The following NTM variants were observed in gnomAD, a reference collection of about 807,000 sequenced individuals.
The protein encoded by NTM is neurotrimin.
In NTM, 13 loss-of-function variants were observed where a neutral mutation model predicts 42.1. The observed-to-expected ratio is 0.31, with a 90% CI of 0.20 to 0.49. The LOEUF is 0.49. Among genes scored for constraint, NTM ranks in the 20% least tolerant of loss-of-function variants. The pLI, the probability that NTM is intolerant of heterozygous loss-of-function variation, is 0.99. For missense variants in NTM, 373 were observed against 452.8 expected (o/e 0.82, Z 1.60); for synonymous variants, 187 against 179.2 (o/e 1.04, Z -0.35).
intron 1 of NTM, among the ~76,000 whole-genome samples, chr11:131,441,573 G>C (rs1949628872): frequency 6.6e-6 from 1 of 152,178 alleles, no homozygotes; most frequent in Non-Finnish European, 1.5e-5. Context: ...TCCTCCATCT[G>C]TTACTGCTGT....
At chr11:132,110,015 T>C (rs1485543879) in intron 2 of NTM, among the ~76,000 whole-genome samples, 2 of 152,210 alleles carry the variant, frequency 1.3e-5, no homozygotes, top group Non-Finnish European at 1.5e-5. Context: ...CTCCTCAAAA[T>C]GGACTTCCTT....
At chr11:131,882,267 CA>C (rs2049657576) in intron 1 of NTM, among the ~76,000 whole-genome samples, 1 of 152,168 alleles carries the variant, frequency 6.6e-6, no homozygotes, top group Non-Finnish European at 1.5e-5. Flanking sequence ...CCGGCAAGTT[CA>C]AAATCTACAA....
rs550086992 is a variant in NTM, at chr11:132,060,908, G to A, written c.168-85374G>A. On this transcript the variant is annotated intron_variant, in intron 2 of 8. Transcript: ENST00000683400. ...GTCTAGAATGTGAATGTTTGTGTTA[G>A]AGCATCTGCAAAAGCAAACACTTTT... is the stretch of plus-strand genomic sequence containing the variant. Among the ~76,000 whole-genome samples, 162 of 152,292 alleles carry A rather than the reference G, an allele frequency of 1.1e-3. 1 individual carries two copies. The highest frequency in any genetic ancestry group is 3.7e-3 in the African/African-American group (155 of 41,558).
At chr11:131,927,029 C>T (rs373129878) in intron 2 of NTM, among the ~76,000 whole-genome samples, 33 of 152,112 alleles carry the variant, frequency 2.2e-4, no homozygotes, top group African/African-American at 7.2e-4. Context: ...TAAGTAGGCA[C>T]GTATTTGGAA....
At chr11:131,810,598 A>G (rs1289441321) in intron 1 of NTM, among the ~76,000 whole-genome samples, 1 of 151,956 alleles carries the variant, frequency 6.6e-6, no homozygotes, top group East Asian at 1.9e-4. Context: ...AATTCTTACT[A>G]CTCTGCGTTT....
At chr11:131,661,518 A>G (rs1161232415) in intron 1 of NTM, among the ~76,000 whole-genome samples, 2 of 152,216 alleles carry the variant, frequency 1.3e-5, no homozygotes, top group Non-Finnish European at 2.9e-5. Flanking sequence ...TTTAAGGTCT[A>G]TCCAACTACT....
intron 1 of NTM, among the ~76,000 whole-genome samples, chr11:131,803,717 C>A (rs2092313461): frequency 6.6e-6 from 1 of 152,220 alleles, no homozygotes; most frequent in African/African-American, 2.4e-5. Flanking sequence ...GTGAAATCTG[C>A]TTTCCTGGCC....
chr11:131,473,174 G>A (rs985148884), intron 1 of NTM, among the ~76,000 whole-genome samples: 7 of 152,120 alleles, frequency 4.6e-5, no homozygotes, highest in African/African-American at 1.4e-4. Context: ...TGAACAGTGA[G>A]CCTCTCACCC....
At chr11:131,460,347 A>G (rs1344292964) in intron 1 of NTM, among the ~76,000 whole-genome samples, 2 of 152,222 alleles carry the variant, frequency 1.3e-5, no homozygotes, top group Admixed American at 6.5e-5. Context: ...TAAGATCAAT[A>G]AATGAAGTAA....
chr11:131,701,436 T>C (rs2076061588), intron 1 of NTM, among the ~76,000 whole-genome samples: 1 of 152,132 alleles, frequency 6.6e-6, no homozygotes, highest in South Asian at 2.1e-4. Flanking sequence ...AAGGAAATAA[T>C]TGGCTGCCCT....
At chr11:132,059,973 A>G (rs2080377277) in intron 2 of NTM, among the ~76,000 whole-genome samples, 1 of 152,096 alleles carries the variant, frequency 6.6e-6, no homozygotes, top group Non-Finnish European at 1.5e-5. Context: ...CTTCCAGATT[A>G]GAGACCCTCC....
chr11:131,782,149 G>A (rs1001205538), intron 1 of NTM, among the ~76,000 whole-genome samples: 1 of 152,072 alleles, frequency 6.6e-6, no homozygotes, highest in South Asian at 2.1e-4. Flanking sequence ...AATCCCAAAA[G>A]ACTGCTTAAT....
intron 7 of NTM, 144 bp downstream of exon 7, chr11:132,314,847 C>CAGAA (rs2095382947): frequency 3.6e-6 from 5 of 1,385,756 alleles, no homozygotes; most frequent in Non-Finnish European, 3.7e-6. Flanking sequence ...GAGAGAGACA[C>CAGAA]AGAAAGAAAT....
At chr11:132,179,253 G>A (rs2077216515) in intron 3 of NTM, among the ~76,000 whole-genome samples, 1 of 152,142 alleles carries the variant, frequency 6.6e-6, no homozygotes. Flanking sequence ...AGATTTAAAG[G>A]GCTAAGATAA....
intron 1 of NTM, among the ~76,000 whole-genome samples, chr11:131,391,640 C>G (rs1403370817): frequency 2.0e-5 from 1 of 49,622 alleles, no homozygotes; most frequent in Non-Finnish European, 4.0e-5. Flanking sequence ...TGACTTTTAT[C>G]TGGGAAAAAA....
chr11:131,392,470 A>G (rs1174209044), intron 1 of NTM, among the ~76,000 whole-genome samples: 1 of 152,228 alleles, frequency 6.6e-6, no homozygotes, highest in Non-Finnish European at 1.5e-5. Flanking sequence ...GTTGGGCTTC[A>G]TAGGCCTTAG....
chr11:132,084,691 C>T (rs2059489631), intron 2 of NTM, among the ~76,000 whole-genome samples: 1 of 152,292 alleles, frequency 6.6e-6, no homozygotes, highest in Non-Finnish European at 1.5e-5. Context: ...AAAACCTTTA[C>T]TCATTAAGAG....
intron 2 of NTM, among the ~76,000 whole-genome samples, chr11:132,022,495 C>T (rs1357362055): frequency 2.6e-5 from 4 of 152,202 alleles, no homozygotes; most frequent in African/African-American, 7.2e-5. Flanking sequence ...CTTAGTCCCA[C>T]GTGGCCCTGC....
At chr11:131,421,564 A>G (rs577746334) in intron 1 of NTM, among the ~76,000 whole-genome samples, 5 of 152,230 alleles carry the variant, frequency 3.3e-5, no homozygotes, top group Admixed American at 6.5e-5. Flanking sequence ...AAGCTACTGC[A>G]TATGCAGTTC....
Sources: allele counts gnomAD v4.1 joint callset (sites outside exome capture counted in the v4.1 genomes callset), GRCh38; gene constraint gnomAD v4.1.1; transcripts MANE v1.5; gene names NCBI Gene and HGNC (gene_info 2026-07-23, HGNC 2026-07-21).